The following WDR70 variants were observed in gnomAD, a reference collection of about 807,000 sequenced individuals.
WDR70 encodes WD repeat domain 70.
A neutral mutation model predicts 88.6 loss-of-function variants in WDR70; 53 were observed. The ratio of observed to expected loss-of-function variants is 0.60; its 90% confidence interval spans 0.48 to 0.75. WDR70 has a LOEUF of 0.75. WDR70 is among the 30% of genes least tolerant of loss of function. The pLI is 0.00. For missense variants in WDR70, 610 were observed against 823.2 expected, an observed-to-expected ratio of 0.74 and a Z score of 3.17; for synonymous variants, 280 against 270.0, an observed-to-expected ratio of 1.04 and a Z score of -0.36.
chr5:37,674,738 G>T (rs1427650705), intron 10 of WDR70, among the ~76,000 whole-genome samples: 1 of 151,810 alleles, frequency 6.6e-6, no homozygotes, highest in Non-Finnish European at 1.5e-5. Context: ...AATCCTTTGG[G>T]TATATACCCA....
intron 9 of WDR70, among the ~76,000 whole-genome samples, chr5:37,594,908 A>G (rs540850445): frequency 1.3e-5 from 2 of 152,282 alleles, no homozygotes; most frequent in East Asian, 3.9e-4. Flanking sequence ...AGCAGTTGTA[A>G]ATGGGAGTTC....
chr5:37,573,014 A>T (rs1329439181), intron 9 of WDR70, among the ~76,000 whole-genome samples: 1 of 152,138 alleles, frequency 6.6e-6, no homozygotes, highest in African/African-American at 2.4e-5. Flanking sequence ...TCTTCCTGGA[A>T]TGCTCTTATT....
rs907106793 is a variant in WDR70 at position 37,392,124 on chromosome 5, C to G, written c.296+4C>G. 1 of 1,601,762 alleles carries G rather than the reference C, an allele frequency of 6.2e-7. No individual in the cohort carries two copies. The highest frequency in any genetic ancestry group is 8.5e-7 in the Non-Finnish European group (1 of 1,177,666). On this transcript the variant is annotated splice_donor_region_variant and intron_variant, in intron 4 of 17. Coordinates refer to ENST00000265107, the MANE Select transcript of WDR70 (RefSeq NM_018034.4). The stretch of plus-strand genomic sequence containing the variant: ...ATTGCTCCAAATCATCTTCCAGGTG[C>G]CTGATTTTCAGAAAGACTTCTATTA...
At chr5:37,735,119 C>A (rs954513506) in intron 17 of WDR70, among the ~76,000 whole-genome samples, 1 of 152,048 alleles carries the variant, frequency 6.6e-6, no homozygotes, top group Non-Finnish European at 1.5e-5. Flanking sequence ...TCTTTTCCAT[C>A]CCCTCCTGGC....
At chr5:37,664,052 C>T (rs1581475625) in intron 10 of WDR70, among the ~76,000 whole-genome samples, 1 of 152,304 alleles carries the variant, frequency 6.6e-6, no homozygotes, top group South Asian at 2.1e-4. Context: ...ACTGCCCATA[C>T]CAAAGCCACC....
intron 10 of WDR70, among the ~76,000 whole-genome samples, chr5:37,687,358 AGAC>A (rs1746640496): frequency 6.6e-6 from 1 of 152,192 alleles, no homozygotes; most frequent in Non-Finnish European, 1.5e-5. Context: ...GTCCTTTAAA[AGAC>A]AAAATGAATT....
intron 13 of WDR70, among the ~76,000 whole-genome samples, chr5:37,704,685 T>A (rs1747269483): frequency 1.3e-5 from 2 of 152,188 alleles, no homozygotes; most frequent in Admixed American, 6.5e-5. Context: ...CTTTCAACAG[T>A]GCCTGGCACA....
At chr5:37,424,096 C>G (rs1009601057) in intron 5 of WDR70, among the ~76,000 whole-genome samples, 7 of 128,270 alleles carry the variant, frequency 5.5e-5, no homozygotes, top group African/African-American at 2.0e-4. Context: ...TTGCAGTGAG[C>G]TGAGATCACG....
chr5:37,551,291 G>T (rs928632695), intron 9 of WDR70, among the ~76,000 whole-genome samples: 3 of 147,868 alleles, frequency 2.0e-5, no homozygotes, highest in African/African-American at 7.5e-5. Flanking sequence ...GGCAACAGGA[G>T]TAAAACTTTG....
chr5:37,717,257 T>C (rs1195225505), intron 13 of WDR70, among the ~76,000 whole-genome samples: 1 of 152,250 alleles, frequency 6.6e-6, no homozygotes, highest in Non-Finnish European at 1.5e-5. Flanking sequence ...TAAAACACTT[T>C]GTCAATTTAA....
At chr5:37,746,185 A>G (rs1018521294) in intron 17 of WDR70, among the ~76,000 whole-genome samples, 1 of 152,234 alleles carries the variant, frequency 6.6e-6, no homozygotes, top group Admixed American at 6.5e-5. Context: ...TCCTGGATAG[A>G]TAGTGAAATT....
intron 10 of WDR70, among the ~76,000 whole-genome samples, chr5:37,614,164 G>C (rs760583547): frequency 2.9e-4 from 44 of 152,132 alleles, no homozygotes; most frequent in Non-Finnish European, 5.6e-4. Context: ...GAGGCTCCAG[G>C]GAGAATCTCT....
At chr5:37,646,908 G>C (rs1745255883) in intron 10 of WDR70, among the ~76,000 whole-genome samples, 1 of 151,674 alleles carries the variant, frequency 6.6e-6, no homozygotes, top group South Asian at 2.1e-4. Flanking sequence ...TATTTCTCTT[G>C]GGTTGAGAAG....
chr5:37,384,800 C>T (rs1463612539), intron 3 of WDR70, among the ~76,000 whole-genome samples: 1 of 151,954 alleles, frequency 6.6e-6, no homozygotes. Flanking sequence ...ATTTCTGACA[C>T]CAGATATGTA....
intron 10 of WDR70, among the ~76,000 whole-genome samples, chr5:37,626,234 A>G (rs1744661649): frequency 1.3e-5 from 2 of 152,086 alleles, no homozygotes; most frequent in Non-Finnish European, 2.9e-5. Flanking sequence ...TGTTCATAAG[A>G]TGTCATTTGT....
chr5:37,451,451 G>C (rs1738674214), intron 7 of WDR70, among the ~76,000 whole-genome samples: 1 of 152,094 alleles, frequency 6.6e-6, no homozygotes, highest in South Asian at 2.1e-4. Context: ...AATGTGTTTA[G>C]TAATTCTAAG....
intron 13 of WDR70, among the ~76,000 whole-genome samples, chr5:37,717,578 C>A (rs950579014): frequency 1.3e-5 from 2 of 152,170 alleles, no homozygotes; most frequent in African/African-American, 4.8e-5. Flanking sequence ...GGATTGTACT[C>A]TTTCTAAGTA....
intron 9 of WDR70, among the ~76,000 whole-genome samples, chr5:37,525,479 A>C (rs967105691): frequency 3.9e-5 from 6 of 152,240 alleles, no homozygotes; most frequent in African/African-American, 1.4e-4. Context: ...CATTTAAAGC[A>C]GTGTATAGAG....
At chr5:37,390,531 G>A (rs1296271819) in intron 3 of WDR70, among the ~76,000 whole-genome samples, 10 of 151,490 alleles carry the variant, frequency 6.6e-5, no homozygotes, top group Non-Finnish European at 1.3e-4. Flanking sequence ...TAGTAGAGAC[G>A]GGGTTTCACC....
Sources: gnomAD v4.1 joint callset for allele counts (sites outside exome capture counted in the v4.1 genomes callset) on GRCh38, gnomAD v4.1.1 for gene constraint, MANE v1.5 for transcripts, NCBI Gene and HGNC (gene_info 2026-07-23, HGNC 2026-07-21) for gene names.